The following MAN2A1 variants were observed in gnomAD, a reference collection of about 807,000 sequenced individuals.
MAN2A1 encodes alpha-mannosidase 2.
In MAN2A1, 76 loss-of-function variants were observed where a neutral mutation model predicts 142.6. That is an observed-to-expected ratio of 0.53 (90% CI 0.44 to 0.65). The LOEUF (loss-of-function observed/expected upper bound fraction) is 0.65. Among genes scored for constraint, MAN2A1 ranks in the 30% least tolerant of loss-of-function variants. MAN2A1 has a pLI of 0.00. For synonymous variants in MAN2A1, 559 were observed against 473.2 expected (o/e 1.18, Z -2.35); for missense variants, 1,311 against 1,365.1 (o/e 0.96, Z 0.62).
rs1554078300 is a variant in MAN2A1 at position 109,780,546 on chromosome 5, G to GTGTGTGTA, written c.1375-847_1375-846insGTGTATGT. Among the ~76,000 whole-genome samples the GTGTGTGTA allele has an allele frequency of 6.7e-5, 10 of 149,292 alleles. 1 individual carries two copies. The highest frequency in any genetic ancestry group is 2.3e-4 in the African/African-American group (9 of 39,910). On this transcript the variant is annotated intron_variant, in intron 8 of 21. Transcript: ENST00000261483. ...TGTGTGTGTGTGTGTGTGTGTGTGTGTGTATGTGTGTAGGAAACAACAAAA... is the reference window on the plus strand; with the variant it reads ...TGTGTGTGTGTGTGTGTGTGTGTGTGTGTGTGTATGTATGTGTGTAGGAAACAACAAAA...
chr5:109,831,901 T>G (rs73216901), intron 16 of MAN2A1, among the ~76,000 whole-genome samples: 4,626 of 151,566 alleles, frequency 0.031, 227 homozygotes, highest in African/African-American at 0.11. Context: ...GATTGAGATA[T>G]AAAAATTATT....
intron 1 of MAN2A1, among the ~76,000 whole-genome samples, chr5:109,707,656 G>A (rs1261810070): frequency 6.6e-6 from 1 of 152,178 alleles, no homozygotes; most frequent in Non-Finnish European, 1.5e-5. Flanking sequence ...GTGACGTTTG[G>A]CATGAGAGTT....
chr5:109,708,391 G>T (rs1349156047), intron 1 of MAN2A1, among the ~76,000 whole-genome samples: 1 of 152,000 alleles, frequency 6.6e-6, no homozygotes, highest in Non-Finnish European at 1.5e-5. Context: ...AAGGAAGGGG[G>T]ATAATGAGTA....
At chr5:109,724,817 A>G (rs7726985) in intron 3 of MAN2A1, among the ~76,000 whole-genome samples, 111,629 of 152,066 alleles carry the variant, frequency 0.73, 42,074 homozygotes, top group East Asian at 0.94. Context: ...CTCTTAAAAT[A>G]TAAGTATTTT....
chr5:109,771,272 G>T (rs1753137658), intron 7 of MAN2A1, among the ~76,000 whole-genome samples: 1 of 151,974 alleles, frequency 6.6e-6, no homozygotes, highest in Non-Finnish European at 1.5e-5. Flanking sequence ...ACTAAACTCT[G>T]CTAGGAAAAT....
At chr5:109,794,245 T>C (rs1753805930) in intron 12 of MAN2A1, 1 of 152,144 alleles carries the variant, frequency 6.6e-6, no homozygotes, top group African/African-American at 2.4e-5. Flanking sequence ...GAAGTGAGTC[T>C]GGTGAAAGAG....
chr5:109,858,727 G>A (rs1159935775), intron 20 of MAN2A1, among the ~76,000 whole-genome samples: 1 of 152,258 alleles, frequency 6.6e-6, no homozygotes, highest in Non-Finnish European at 1.5e-5. Context: ...AAGGACGCAT[G>A]TCTTCCTGCC....
chr5:109,839,602 A>C (rs1449349386), intron 16 of MAN2A1, among the ~76,000 whole-genome samples: 1 of 148,778 alleles, frequency 6.7e-6, no homozygotes, highest in Non-Finnish European at 1.5e-5. Flanking sequence ...GCTTGAGCCC[A>C]GGAGTTCGAG....
chr5:109,813,821 C>T (rs1398491189), intron 12 of MAN2A1, among the ~76,000 whole-genome samples: 2 of 152,208 alleles, frequency 1.3e-5, no homozygotes, highest in Admixed American at 6.5e-5. Context: ...AGGACAGCCA[C>T]GTTTACACTG....
intron 1 of MAN2A1, among the ~76,000 whole-genome samples, chr5:109,695,969 A>T (rs1272225284): frequency 6.6e-6 from 1 of 152,186 alleles, no homozygotes; most frequent in Non-Finnish European, 1.5e-5. Context: ...AAATGTGCCT[A>T]TAATAGGGAG....
intron 21 of MAN2A1, among the ~76,000 whole-genome samples, chr5:109,866,019 G>C (rs1470390796): frequency 2.6e-5 from 4 of 152,150 alleles, no homozygotes; most frequent in African/African-American, 9.7e-5. Flanking sequence ...CTACAAATTA[G>C]CATGTGTGTG....
At chr5:109,844,849 A>G (rs1019764833) in intron 17 of MAN2A1, among the ~76,000 whole-genome samples, 1 of 152,218 alleles carries the variant, frequency 6.6e-6, no homozygotes, top group Non-Finnish European at 1.5e-5. Flanking sequence ...AGGTCCCAAC[A>G]TAATCCAGAA....
chr5:109,825,286 T>C (rs1754726812), intron 16 of MAN2A1, among the ~76,000 whole-genome samples: 1 of 152,174 alleles, frequency 6.6e-6, no homozygotes, highest in African/African-American at 2.4e-5. Context: ...TAAACTATTG[T>C]TTTTTAGTGG....
At chr5:109,746,815 C>T (rs1284305200) in intron 4 of MAN2A1, among the ~76,000 whole-genome samples, 1 of 152,172 alleles carries the variant, frequency 6.6e-6, no homozygotes, top group Non-Finnish European at 1.5e-5. Context: ...TCTGTCTCTA[C>T]AAGTTTGACT....
At chr5:109,773,461 A>T (rs1190790792) in intron 7 of MAN2A1, among the ~76,000 whole-genome samples, 4 of 150,176 alleles carry the variant, frequency 2.7e-5, no homozygotes, top group African/African-American at 9.8e-5. Flanking sequence ...ATTTTTACTC[A>T]TTTTTTTTTG....
intron 3 of MAN2A1, among the ~76,000 whole-genome samples, chr5:109,724,064 A>G: frequency 6.6e-6 from 1 of 152,228 alleles, no homozygotes; most frequent in East Asian, 1.9e-4. Flanking sequence ...TTAACTTATA[A>G]TAGAAGTGTT....
Position 109,690,210 on chromosome 5 carries a change from A to G in MAN2A1, c.-208A>G. The G allele has an allele frequency of 3.8e-6, 2 of 532,524 alleles. No individual in the cohort carries two copies. Among genetic ancestry groups the G allele is most frequent in the Non-Finnish European group, 6.7e-6 (2 of 297,216 alleles). The allele number at this position is 532,524 out of a possible 1,614,324, so 33.0% of individuals were successfully genotyped here. On this transcript the variant is annotated 5_prime_UTR_variant, in exon 1 of 22. Coordinates refer to ENST00000261483, the MANE Select transcript of MAN2A1 (RefSeq NM_002372.4). Reference sequence around the variant, plus strand: ...TCGAGAGGGGCGCCCGACCCCGGGGAGGGCGGCAGGCCAGGGCGAAGGCCA... The same window carrying G: ...TCGAGAGGGGCGCCCGACCCCGGGGGGGGCGGCAGGCCAGGGCGAAGGCCA...
intron 1 of MAN2A1, among the ~76,000 whole-genome samples, chr5:109,691,929 A>G (rs909237448): frequency 6.6e-6 from 1 of 152,184 alleles, no homozygotes; most frequent in African/African-American, 2.4e-5. Context: ...TTAGCTTGAT[A>G]TGTTGTGTAA....
chr5:109,725,495 A>G (rs528590801), intron 3 of MAN2A1, among the ~76,000 whole-genome samples: 1 of 152,234 alleles, frequency 6.6e-6, no homozygotes. Context: ...GGAGAGACTT[A>G]TAAGAATCCC....
Sources: allele counts gnomAD v4.1 joint callset (sites outside exome capture counted in the v4.1 genomes callset), GRCh38; gene constraint gnomAD v4.1.1; transcripts MANE v1.5; gene names NCBI Gene and HGNC (gene_info 2026-07-23, HGNC 2026-07-21).